CDH18: variants seen among roughly 807,000 people sequenced by gnomAD.
The protein encoded by CDH18 is cadherin 18, also known as cadherin-18.
In CDH18, 31 loss-of-function variants were observed where a neutral mutation model predicts 67.9. The observed-to-expected ratio is 0.46, with a 90% CI of 0.34 to 0.62. The LOEUF is 0.62. Among genes scored for constraint, CDH18 ranks in the 20% least tolerant of loss-of-function variants. The pLI is 0.01. For missense variants in CDH18, 890 were observed against 975.5 expected (o/e 0.91, Z 1.17); for synonymous variants, 362 against 347.2 (o/e 1.04, Z -0.48).
chr5:19,616,870 C>T (rs1749919780), intron 5 of CDH18, among the ~76,000 whole-genome samples: 2 of 152,132 alleles, frequency 1.3e-5, no homozygotes, highest in African/African-American at 2.4e-5. Context: ...ACCGTCTTAC[C>T]ATGTCCTCAC....
Position 20,302,731 on chromosome 5 carries a change from C to T in CDH18, c.-579-47226G>A, listed in dbSNP as rs1736061553. Among the ~76,000 whole-genome samples the T allele has an allele frequency of 2.0e-5, 3 of 152,344 alleles. No individual in the cohort carries two copies. The South Asian group carries it at 6.2e-4, about 32-fold the overall frequency. ...CTACTCTTTTCTAAATGAGAATGCG[C>T]TACGCACTGAAGATCAGAACACACA... On this transcript the variant is annotated intron_variant, in intron 1 of 14. Transcript: ENST00000507958.
chr5:19,613,642 C>T (rs960381061), intron 5 of CDH18, among the ~76,000 whole-genome samples: 10 of 152,074 alleles, frequency 6.6e-5, no homozygotes, highest in Non-Finnish European at 1.2e-4. Flanking sequence ...TCTGTGATTA[C>T]GCATACATAA....
intron 3 of CDH18, among the ~76,000 whole-genome samples, chr5:19,776,220 T>C (rs1345475492): frequency 6.6e-6 from 1 of 152,158 alleles, no homozygotes. Flanking sequence ...ACTTAAACAT[T>C]ATGGTCATAA....
At chr5:19,789,151 T>C (rs975178669) in intron 3 of CDH18, among the ~76,000 whole-genome samples, 4 of 152,320 alleles carry the variant, frequency 2.6e-5, no homozygotes, top group Middle Eastern at 3.4e-3. Flanking sequence ...GCAATTGCCT[T>C]TACAAAATAT....
chr5:20,388,779 C>CAAAGAACACCT (rs1744549639), intron 1 of CDH18, among the ~76,000 whole-genome samples: 1 of 151,074 alleles, frequency 6.6e-6, no homozygotes, highest in Admixed American at 6.6e-5. Flanking sequence ...TCTTTGTTTC[C>CAAAGAACACCT]TTATTTCTGC....
At chr5:20,191,933 T>TA (rs1368064933) in intron 2 of CDH18, among the ~76,000 whole-genome samples, 10 of 152,044 alleles carry the variant, frequency 6.6e-5, no homozygotes, top group African/African-American at 1.9e-4. Context: ...GGAGGTGTCA[T>TA]ATTGTCTTCC....
At chr5:20,332,550 T>A (rs570555217) in intron 1 of CDH18, among the ~76,000 whole-genome samples, 1 of 152,102 alleles carries the variant, frequency 6.6e-6, no homozygotes, top group Non-Finnish European at 1.5e-5. Context: ...TATGGACAGG[T>A]TTTTGGACAC....
chr5:19,855,776 A>G (rs1784222016), intron 2 of CDH18, among the ~76,000 whole-genome samples: 1 of 152,206 alleles, frequency 6.6e-6, no homozygotes, highest in Admixed American at 6.6e-5. Context: ...TAATGCCACT[A>G]AAACAAATAA....
chr5:20,567,829 C>A (rs1420954769), intron 1 of CDH18, among the ~76,000 whole-genome samples: 3 of 152,096 alleles, frequency 2.0e-5, no homozygotes, highest in Non-Finnish European at 2.9e-5. Flanking sequence ...TCTTCCTTGT[C>A]TACTAGATGG....
chr5:19,550,780 G>A (rs1276197139), intron 8 of CDH18, among the ~76,000 whole-genome samples: 1 of 152,166 alleles, frequency 6.6e-6, no homozygotes. Context: ...TATATACCCA[G>A]TAATGGGATG....
chr5:19,634,997 T>C (rs776065587), intron 5 of CDH18, among the ~76,000 whole-genome samples: 6 of 151,680 alleles, frequency 4.0e-5, no homozygotes, highest in African/African-American at 7.3e-5. Context: ...ATAATTTTTA[T>C]AGTGGTTTAA....
chr5:19,786,387 T>C (rs1775773992), intron 3 of CDH18, among the ~76,000 whole-genome samples: 1 of 152,174 alleles, frequency 6.6e-6, no homozygotes, highest in South Asian at 2.1e-4. Flanking sequence ...TACTTTGTAT[T>C]TGGTTTTAGA....
chr5:20,497,636 T>C (rs945369251), intron 1 of CDH18, among the ~76,000 whole-genome samples: 3 of 152,116 alleles, frequency 2.0e-5, no homozygotes, highest in Non-Finnish European at 4.4e-5. Context: ...TGTTAAACAA[T>C]GCATGACTGT....
At chr5:19,670,622 G>A (rs1758611125) in intron 5 of CDH18, among the ~76,000 whole-genome samples, 1 of 152,076 alleles carries the variant, frequency 6.6e-6, no homozygotes, top group African/African-American at 2.4e-5. Context: ...GGCTGCGGGT[G>A]GAAATGGCAA....
At chr5:19,547,311 A>C in intron 8 of CDH18, among the ~76,000 whole-genome samples, 1 of 152,124 alleles carries the variant, frequency 6.6e-6, no homozygotes, top group East Asian at 1.9e-4. Flanking sequence ...ATTTTTGGTT[A>C]CTGTAAGAAA....
intron 1 of CDH18, among the ~76,000 whole-genome samples, chr5:20,280,190 T>A (rs1193351777): frequency 6.6e-6 from 1 of 151,926 alleles, no homozygotes; most frequent in Non-Finnish European, 1.5e-5. Context: ...ATTTATTTAT[T>A]TTATTTATTT....
At chr5:19,800,295 AC>A (rs1777316923) in intron 3 of CDH18, among the ~76,000 whole-genome samples, 1 of 152,180 alleles carries the variant, frequency 6.6e-6, no homozygotes, top group Non-Finnish European at 1.5e-5. Context: ...TAGAAAAAGT[AC>A]TTAATGTCTC....
chr5:20,293,191 C>T (rs1453779992), intron 1 of CDH18, among the ~76,000 whole-genome samples: 1 of 152,120 alleles, frequency 6.6e-6, no homozygotes. Flanking sequence ...GTAGTGGGCA[C>T]CTGTAATCTC....
chr5:20,209,067 A>G (rs1040327508), intron 2 of CDH18, among the ~76,000 whole-genome samples: 2 of 152,062 alleles, frequency 1.3e-5, no homozygotes, highest in African/African-American at 4.8e-5. Flanking sequence ...CATTTCAGTT[A>G]AAAACACTTC....
Sources: gnomAD v4.1 joint callset for allele counts (sites outside exome capture counted in the v4.1 genomes callset) on GRCh38, gnomAD v4.1.1 for gene constraint, MANE v1.5 for transcripts, NCBI Gene and HGNC (gene_info 2026-07-23, HGNC 2026-07-21) for gene names.